SEC31A: variants seen among roughly 807,000 people sequenced by gnomAD.
SEC31A encodes SEC31 homolog A, COPII component, also known as protein transport protein Sec31A.
In SEC31A, 70 loss-of-function variants were observed where a neutral mutation model predicts 151.0. That is an observed-to-expected ratio of 0.46 (90% CI 0.38 to 0.57). The LOEUF is 0.57. Among genes scored for constraint, SEC31A ranks in the 20% least tolerant of loss-of-function variants. The pLI is 0.00. For missense variants in SEC31A, 1,330 were observed against 1,471.2 expected, an observed-to-expected ratio of 0.90 and a Z score of 1.57; for synonymous variants, 475 against 505.9, an observed-to-expected ratio of 0.94 and a Z score of 0.82.
At chr4:82,856,819 C>A in intron 16 of SEC31A, 133 bp downstream of exon 16, 3 of 726,638 alleles carry the variant, frequency 4.1e-6, no homozygotes, top group South Asian at 2.4e-5. Flanking sequence ...CAACTATTTC[C>A]AGGTCAAGGA....
chr4:82,862,473 C>T (rs1418455560), intron 13 of SEC31A, 61 bp downstream of exon 13: 4 of 1,247,938 alleles, frequency 3.2e-6, no homozygotes, highest in Non-Finnish European at 4.7e-6. Context: ...AATGATATTT[C>T]CTTCTTCGTT....
upstream of SEC31A, chr4:82,891,247 G>A (rs1206076877): frequency 1.4e-6 from 2 of 1,402,840 alleles, no homozygotes; most frequent in Non-Finnish European, 1.9e-6. Flanking sequence ...CAACACTTCC[G>A]GGAGCGACAT....
intron 25 of SEC31A, among the ~76,000 whole-genome samples, chr4:82,823,021 C>A (rs1274006890): frequency 6.6e-6 from 1 of 152,110 alleles, no homozygotes; most frequent in Non-Finnish European, 1.5e-5. Context: ...CAAACAGGAG[C>A]CCTACCCCAA....
In SEC31A at chr4:82,818,966, G is replaced by C. The variant is rs1488275985; in HGVS notation, c.*108C>G. ...GAAATAGTGTAAATGCTCTTGACTG[G>C]TTGCTATGCAAACATGCTAATGAGG... On this transcript the variant is annotated 3_prime_UTR_variant, in exon 27 of 27. Transcript: ENST00000395310. The C allele has an allele frequency of 2.5e-6, 2 of 796,760 alleles. No homozygotes were observed. Among genetic ancestry groups the C allele is most frequent in the East Asian group, 2.7e-5 (1 of 36,634 alleles). The allele number at this position is 796,760 out of a possible 1,614,324, so 49.4% of individuals were successfully genotyped here.
At chr4:82,892,736 T>TG (rs201132157), upstream of SEC31A, among the ~76,000 whole-genome samples, 9 of 136,658 alleles carry the variant, frequency 6.6e-5, no homozygotes, top group African/African-American at 2.6e-4. Flanking sequence ...ATCTTTTTTT[T>TG]GGGGGGGGGG....
chr4:82,822,616 A>G (rs1723611480), intron 25 of SEC31A, among the ~76,000 whole-genome samples: 2 of 152,202 alleles, frequency 1.3e-5, no homozygotes, highest in Admixed American at 1.3e-4. Context: ...TCCATGCTAT[A>G]AAAACTATTC....
rs376523812 is a variant in SEC31A at position 82,874,886 on chromosome 4, T to C, written c.499-135A>G. On this transcript the variant is annotated intron_variant, in intron 5 of 26. Coordinates refer to ENST00000395310, the MANE Select transcript of SEC31A (RefSeq NM_001077207.4). ...CCATTTATGCCACAAATTTGCTTTA[T>C]AGTCCTACATCTCTACATTCTCAAC... is the stretch of plus-strand genomic sequence containing the variant. 6.1e-3 allele frequency: 5,625 copies of C among 923,668 alleles called. 271 individuals are homozygous for C. In the South Asian group the frequency reaches 0.085, roughly 14 times the overall value. 57.2% of individuals were successfully genotyped at this position (923,668 alleles called of 1,614,324 possible). A position where few individuals can be genotyped will look rare whatever the true frequency, so the allele number is the denominator to read the frequency against.
chr4:82,821,063 G>T lies in SEC31A; in HGVS notation c.3457C>A (p.Leu1153Met). ...GTCTGTTCCCTAAGTTTATCATACA[G>T]AAACTCCAAACGTTTGCTGGCATCA... ...LDDASKRLEF[L>M]YDKLREQTLS... The change falls in exon 26 of 27, where the codon CTG becomes ATG. Residue 1153 changes from leucine (L) to methionine (M), a missense_variant. Coordinates refer to ENST00000395310, the MANE Select transcript of SEC31A (RefSeq NM_001077207.4). The T allele has an allele frequency of 6.2e-7, 1 of 1,613,884 alleles. No individual in the cohort carries two copies. The highest frequency in any genetic ancestry group is 1.7e-4 in the Middle Eastern group (1 of 6,058).
Position 82,874,612 on chromosome 4 carries a change from C to T in SEC31A, c.638G>A (p.Arg213Lys). The stretch of plus-strand genomic sequence containing the variant: ...ATCACAAGTCAATCACATACTTACT[C>T]TGTTACTATGGTCACTGACTTTGAT... ...PIIKVSDHSN[R>K]MHCSGLAWHP... The change falls in exon 6 of 27, where the codon AGA becomes AAA. Residue 213 changes from arginine (R) to lysine (K), a missense_variant and splice_region_variant. Arg to Lys is a conservative substitution (Grantham distance 26). Transcript: ENST00000395310. The T allele has an allele frequency of 6.2e-7, 1 of 1,606,528 alleles. No individual in the cohort carries two copies. The highest frequency in any genetic ancestry group is 2.2e-5 in the East Asian group (1 of 44,782).
intron 22 of SEC31A, among the ~76,000 whole-genome samples, chr4:82,838,769 A>C (rs987107953): frequency 3.9e-5 from 6 of 152,194 alleles, no homozygotes; most frequent in African/African-American, 1.4e-4. Flanking sequence ...TTGTAGACCA[A>C]ACAGGTATCC....
Position 82,857,132 on chromosome 4 carries a change from T to A in SEC31A, c.1703-2A>T. On this transcript the variant is annotated splice_acceptor_variant, in intron 15 of 26. Transcript: ENST00000395310. LOFTEE classifies it high-confidence loss of function. Reference sequence around the variant, plus strand: ...CCTGAGTAATTAAACCATCAATGTCTGCAACAAGAAAATAATACATCCAAG... The same window carrying A: ...CCTGAGTAATTAAACCATCAATGTCAGCAACAAGAAAATAATACATCCAAG... 1 of 1,608,852 alleles carries A rather than the reference T, an allele frequency of 6.2e-7. No homozygotes were observed. The highest frequency in any genetic ancestry group is 8.5e-7 in the Non-Finnish European group (1 of 1,178,782).
intron 10 of SEC31A, 46 bp downstream of exon 10, chr4:82,866,761 TA>T: frequency 1.3e-6 from 2 of 1,526,180 alleles, no homozygotes; most frequent in South Asian, 2.6e-5. Context: ...CACTTTGGTA[TA>T]AAAAGTCCTT....
chr4:82,896,549 T>C (rs2126004983), intron 3 of SEC31A, among the ~76,000 whole-genome samples: 1 of 151,818 alleles, frequency 6.6e-6, no homozygotes, highest in East Asian at 2.0e-4. Flanking sequence ...ACACTATATA[T>C]AAAAATCTTA....
intron 26 of SEC31A, among the ~76,000 whole-genome samples, chr4:82,819,907 G>A (rs1457646695): frequency 4.6e-5 from 7 of 151,972 alleles, no homozygotes; most frequent in South Asian, 2.1e-4. Flanking sequence ...GACTACAGCC[G>A]TGTGCCACCA....
chr4:82,834,525 A>T (rs2149105413), intron 22 of SEC31A, among the ~76,000 whole-genome samples: 1 of 152,328 alleles, frequency 6.6e-6, no homozygotes, highest in East Asian at 1.9e-4. Context: ...ACTGAATAGA[A>T]TCAGAACCAA....
At chr4:82,891,224 C>G (rs1012931919), upstream of SEC31A, 8 of 1,500,386 alleles carry the variant, frequency 5.3e-6, no homozygotes, top group Non-Finnish European at 7.2e-6. Context: ...CAGCCGCAGC[C>G]ACGCCCTGCG....
intron 8 of SEC31A, among the ~76,000 whole-genome samples, chr4:82,868,096 G>C (rs1252085735): frequency 1.3e-5 from 2 of 152,220 alleles, no homozygotes; most frequent in Non-Finnish European, 2.9e-5. Context: ...TTAATCACGA[G>C]AGAAAACATG....
At chr4:82,836,076 A>G (rs1369527365) in intron 22 of SEC31A, among the ~76,000 whole-genome samples, 8 of 152,092 alleles carry the variant, frequency 5.3e-5, no homozygotes, top group Non-Finnish European at 1.0e-4. Context: ...ACCTCTAGGT[A>G]TATACACTAA....
chr4:82,891,330 C>T (rs1719732109), upstream of SEC31A: 3 of 743,292 alleles, frequency 4.0e-6, no homozygotes, highest in South Asian at 1.8e-5. Flanking sequence ...AGGCGGGGTA[C>T]GGCTCCGCTG....
Sources: gnomAD v4.1 joint callset for allele counts (sites outside exome capture counted in the v4.1 genomes callset) on GRCh38, gnomAD v4.1.1 for gene constraint, MANE v1.5 for transcripts, NCBI Gene and HGNC (gene_info 2026-07-23, HGNC 2026-07-21) for gene names.